Variants in PABIR3 observed in about 807,000 individuals in gnomAD.
PABIR3 encodes the protein PABIR family member 3.
PABIR3 carries 20 observed loss-of-function variants against 23.1 expected under a neutral mutation model. The ratio of observed to expected loss-of-function variants is 0.86; its 90% CI spans 0.61 to 1.26. The LOEUF is 1.26. Ranked by LOEUF, PABIR3 falls within the 50% of genes most tolerant of loss-of-function variation. PABIR3 has a pLI of 0.00. For synonymous variants in PABIR3, 69 were observed against 68.5 expected, an observed-to-expected ratio of 1.01 and a Z score of -0.04; for missense variants, 189 against 195.4, an observed-to-expected ratio of 0.97 and a Z score of 0.20.
intron 4 of PABIR3, among the ~76,000 whole-genome samples, chrX:134,840,550 T>C (rs921586182): frequency 9.0e-6 from 1 of 110,719 alleles, no homozygotes; most frequent in South Asian, 3.8e-4. Flanking sequence ...CTCATTCTTA[T>C]CGTCATCTTC....
intron 3 of PABIR3, 103 bp downstream of exon 3, chrX:134,814,952 C>A: frequency 1.7e-6 from 1 of 592,137 alleles, no homozygotes; most frequent in Non-Finnish European, 2.6e-6. Flanking sequence ...CTTATTAAAA[C>A]ACAGATGGCC....
chrX:134,808,442 G>T (rs1444031326), intron 2 of PABIR3, among the ~76,000 whole-genome samples: 1 of 110,981 alleles, frequency 9.0e-6, no homozygotes, highest in African/African-American at 3.3e-5. Flanking sequence ...GTGCAGTGGC[G>T]TGATCTCGGC....
intron 2 of PABIR3, among the ~76,000 whole-genome samples, chrX:134,812,460 A>G (rs1356608535): frequency 8.9e-6 from 1 of 112,296 alleles, no homozygotes; most frequent in African/African-American, 3.2e-5. Context: ...CCTTCCATTC[A>G]CAAAATATTA....
chrX:134,847,304 C>T, intron 6 of PABIR3, 79 bp from the exon 7 acceptor site: 1 of 730,226 alleles, frequency 1.4e-6, no homozygotes, highest in Non-Finnish European at 2.1e-6. Flanking sequence ...GGACTCACTT[C>T]CCTGTGCAAC....
intron 3 of PABIR3, among the ~76,000 whole-genome samples, chrX:134,820,507 T>C (rs998318573): frequency 9.1e-6 from 1 of 110,180 alleles, no homozygotes; most frequent in Non-Finnish European, 1.9e-5. Flanking sequence ...GAGGAGGGAA[T>C]GGGGAGTTGT....
the PABIR3 span, among the ~76,000 whole-genome samples, chrX:134,861,190 G>A: frequency 1.8e-5 from 2 of 109,946 alleles, no homozygotes; most frequent in African/African-American, 3.3e-5. Flanking sequence ...CAGGAGAATC[G>A]CTTGAACCCA....
intron 4 of PABIR3, among the ~76,000 whole-genome samples, chrX:134,843,416 A>C (rs1052691565): frequency 1.8e-5 from 2 of 109,459 alleles, no homozygotes; most frequent in Non-Finnish European, 3.8e-5. Flanking sequence ...GGTAAAAAAA[A>C]AAAAGGGGGT....
intron 8 of PABIR3, among the ~76,000 whole-genome samples, chrX:134,848,219 C>T (rs1287056960): frequency 9.1e-6 from 1 of 109,797 alleles, no homozygotes; most frequent in Non-Finnish European, 1.9e-5. Context: ...GGAGAAACCC[C>T]GTCTCTACTA....
intron 6 of PABIR3, 102 bp downstream of exon 6, chrX:134,845,503 T>C (rs1006757390): frequency 5.6e-6 from 4 of 709,219 alleles, no homozygotes; most frequent in Admixed American, 3.5e-5. Context: ...ATCTAAGCTC[T>C]ATTTTGAAAC....
chrX:134,822,373 T>A (rs2081329264), intron 3 of PABIR3: 1 of 750,567 alleles, frequency 1.3e-6, no homozygotes, highest in Admixed American at 8.8e-5. Flanking sequence ...AATTAATTTC[T>A]CACATTATTA....
intron 8 of PABIR3, 103 bp downstream of exon 8, chrX:134,848,074 ACTT>A: frequency 1.4e-6 from 1 of 691,389 alleles, no homozygotes; most frequent in Non-Finnish European, 2.1e-6. Context: ...CAAAGAAGTG[ACTT>A]CTTTTTAGGG....
chrX:134,845,525 C>T (rs2082404142), intron 6 of PABIR3, 124 bp downstream of exon 6: 2 of 580,387 alleles, frequency 3.4e-6, no homozygotes, highest in Non-Finnish European at 5.4e-6. Context: ...AAAATTGTAT[C>T]TGTTGCATAA....
the PABIR3 span, among the ~76,000 whole-genome samples, chrX:134,860,264 T>C: frequency 3.6e-5 from 4 of 110,855 alleles, no homozygotes; most frequent in Non-Finnish European, 7.5e-5. Flanking sequence ...TTCTTTTGTA[T>C]TTTTAGTAGA....
intron 4 of PABIR3, among the ~76,000 whole-genome samples, chrX:134,842,924 C>T (rs769257634): frequency 8.4e-5 from 9 of 107,357 alleles, no homozygotes; most frequent in Non-Finnish European, 1.5e-4. Context: ...TTAATTTGGC[C>T]GGGCGCCATG....
chrX:134,821,601 C>T, intron 3 of PABIR3: 1 of 1,136,952 alleles, frequency 8.8e-7, no homozygotes, highest in Non-Finnish European at 1.2e-6. Context: ...TTGAGCAATT[C>T]ATCTGTTCTA....
chrX:134,835,794 C>T (rs1449838743), intron 4 of PABIR3: 1 of 111,548 alleles, frequency 9.0e-6, no homozygotes, highest in Non-Finnish European at 1.9e-5. Context: ...GCTAGGACTA[C>T]AGGTGCACAC....
downstream of PABIR3, among the ~76,000 whole-genome samples, chrX:134,857,098 C>A (rs752944363): frequency 2.7e-5 from 3 of 112,315 alleles, no homozygotes; most frequent in South Asian, 7.3e-4. Context: ...TAGTGAAGGA[C>A]ATGCATTAGT....
intron 3 of PABIR3, among the ~76,000 whole-genome samples, chrX:134,828,043 C>CTATATATA (rs369833437): frequency 2.9e-4 from 19 of 66,603 alleles, no homozygotes; most frequent in South Asian, 1.9e-3. Flanking sequence ...CTCTCTCTCT[C>CTATATATA]TCTCTATATA....
intron 4 of PABIR3, among the ~76,000 whole-genome samples, chrX:134,829,737 C>T (rs1480422365): frequency 9.0e-6 from 1 of 110,977 alleles, no homozygotes; most frequent in Non-Finnish European, 1.9e-5. Flanking sequence ...CACGCATGCA[C>T]GTCTCTGTGT....
Sources: gnomAD v4.1 joint callset for allele counts (sites outside exome capture counted in the v4.1 genomes callset) on GRCh38, gnomAD v4.1.1 for gene constraint, MANE v1.5 for transcripts, NCBI Gene and HGNC (gene_info 2026-07-23, HGNC 2026-07-21) for gene names.